The following ALMS1 variants were observed in gnomAD, a reference collection of about 807,000 sequenced individuals.
ALMS1 encodes centrosome-associated protein ALMS1.
Under a neutral mutation model 352.2 loss-of-function variants are expected in ALMS1, and 271 were observed. That is an observed-to-expected ratio of 0.77 (90% CI 0.70 to 0.85). ALMS1 has a LOEUF of 0.85. Among genes scored for constraint, ALMS1 ranks in the 40% least tolerant of loss-of-function variants. The pLI, the probability that ALMS1 is intolerant of heterozygous loss-of-function variation, is 0.00. For synonymous variants in ALMS1, 1,865 were observed against 1,761.2 expected (o/e 1.06, Z -1.48); for missense variants, 5,445 against 4,870.7 (o/e 1.12, Z -3.51).
intron 9 of ALMS1, among the ~76,000 whole-genome samples, chr2:73,488,548 C>T (rs962683108): frequency 4.6e-5 from 7 of 152,110 alleles, no homozygotes; most frequent in African/African-American, 1.7e-4. Flanking sequence ...GGGTTCCTGC[C>T]CCTCCAACTC....
chr2:73,597,535 CTTT>C (rs1281919120), intron 16 of ALMS1, among the ~76,000 whole-genome samples: 1 of 152,074 alleles, frequency 6.6e-6, no homozygotes, highest in Non-Finnish European at 1.5e-5. Flanking sequence ...TCAGTCACTT[CTTT>C]TTTATGTTCC....
rs556386854 is a variant in ALMS1, at chr2:73,390,844, A to G, written c.324+4652A>G. Among the ~76,000 whole-genome samples the G allele has an allele frequency of 5.4e-3, 821 of 151,372 alleles. 4 individuals are homozygous for G. Among genetic ancestry groups the G allele is most frequent in the Non-Finnish European group, 8.5e-3 (575 of 67,840 alleles). ...GAGTGGCAGTGGCCCGATCTTGGCT[A>G]ACTGCAACCTCCGCCTCCCGGGTTC... On this transcript the variant is annotated intron_variant, in intron 1 of 22. Coordinates refer to ENST00000613296, the MANE Select transcript of ALMS1 (RefSeq NM_001378454.1).
intron 9 of ALMS1, among the ~76,000 whole-genome samples, chr2:73,460,907 G>T (rs1672181634): frequency 6.6e-6 from 1 of 152,242 alleles, no homozygotes; most frequent in Non-Finnish European, 1.5e-5. Context: ...GCCTGCCATT[G>T]TGCAGGCTTG....
intron 16 of ALMS1, among the ~76,000 whole-genome samples, chr2:73,580,203 G>A (rs962622149): frequency 2.0e-5 from 3 of 152,014 alleles, no homozygotes; most frequent in Admixed American, 6.6e-5. Context: ...TCAGCTTTCC[G>A]AGTAGCTGGG....
intron 12 of ALMS1, among the ~76,000 whole-genome samples, chr2:73,545,058 T>C (rs1674283908): frequency 6.6e-6 from 1 of 152,078 alleles, no homozygotes. Flanking sequence ...ATTTAATGGG[T>C]ACAGAGTTTA....
At chr2:73,503,274 G>T (rs562797233) in intron 10 of ALMS1, among the ~76,000 whole-genome samples, 1 of 151,610 alleles carries the variant, frequency 6.6e-6, no homozygotes, top group African/African-American at 2.4e-5. Flanking sequence ...ACAGTCCCCA[G>T]AGTGTGATGT....
chr2:73,435,821 G>A (rs1312037396), intron 7 of ALMS1, among the ~76,000 whole-genome samples: 1 of 151,992 alleles, frequency 6.6e-6, no homozygotes, highest in Non-Finnish European at 1.5e-5. Flanking sequence ...TGAACTCCTG[G>A]GCTCAAGCAG....
In ALMS1 at chr2:73,423,071, GC is replaced by G. The variant is rs1572913479; in HGVS notation, c.764+98del. The G allele has an allele frequency of 1.2e-5, 13 of 1,063,826 alleles. No individual in the cohort carries two copies. In the East Asian group the frequency reaches 3.1e-4, roughly 25 times the overall value. The allele number at this position is 1,063,826 out of a possible 1,614,324, so 65.9% of individuals were successfully genotyped here. On this transcript the variant is annotated intron_variant, in intron 4 of 22. Transcript: ENST00000613296. ...GGCTAAGGTGGGACTTTGAGGTGGG[GC>G]TTAGATACTCTTAGGACACGCCCTG...
At chr2:73,551,949 A>G (rs1674445775) in intron 13 of ALMS1, among the ~76,000 whole-genome samples, 1 of 152,224 alleles carries the variant, frequency 6.6e-6, no homozygotes, top group African/African-American at 2.4e-5. Context: ...TTTTAAATGT[A>G]GGGTGGCTCT....
Position 73,385,936 on chromosome 2 carries a change from AG to A in ALMS1, c.70del (p.Glu24ArgfsTer17). On this transcript the variant is annotated frameshift_variant, in exon 1 of 23. Transcript: ENST00000613296. LOFTEE classifies it high-confidence loss of function. ...EEEEEEEEEEEEEEEEAAAAA... is the reference protein window; with the variant it reads ...EEEEEEEEEEXEEEEEAAAAA... ...GAGGAGGAGGAGGAGGAGGAGGAGG[AG>A]GAGGAAGAGGAGGAGGCTGCAGCGG... is the stretch of plus-strand genomic sequence containing the variant. The A allele has an allele frequency of 8.8e-7, 1 of 1,130,640 alleles. No homozygotes were observed. The highest frequency in any genetic ancestry group is 1.3e-6 in the Non-Finnish European group (1 of 768,518). The allele number at this position is 1,130,640 out of a possible 1,614,324, so 70.0% of individuals were successfully genotyped here. A position where few individuals can be genotyped will look rare whatever the true frequency, so the allele number is the denominator to read the frequency against.
At chr2:73,514,552 A>G (rs1385002410) in intron 10 of ALMS1, among the ~76,000 whole-genome samples, 1 of 152,146 alleles carries the variant, frequency 6.6e-6, no homozygotes, top group Non-Finnish European at 1.5e-5. Flanking sequence ...ATTCTTTTCC[A>G]TATATATGTA....
Position 73,535,030 on chromosome 2 carries a change from GT to G in ALMS1, c.9907+82del, listed in dbSNP as rs1049917842. On this transcript the variant is annotated intron_variant, in intron 12 of 22. Transcript: ENST00000613296. ...GCTAGTTGATTCTGGAGTGACAAAA[GT>G]CCAGTGCTCTTTAATTTTTCAGTGA... The G allele has an allele frequency of 1.1e-5, 17 of 1,552,410 alleles. No homozygotes were observed. In the African/African-American group the frequency reaches 2.2e-4, roughly 20 times the overall value.
At chr2:73,400,242 A>G (rs1670848391) in intron 1 of ALMS1, among the ~76,000 whole-genome samples, 1 of 152,180 alleles carries the variant, frequency 6.6e-6, no homozygotes, top group African/African-American at 2.4e-5. Context: ...CACTGTGTCC[A>G]GCCTTAACTG....
chr2:73,512,185 A>G (rs966709894), intron 10 of ALMS1, among the ~76,000 whole-genome samples: 3 of 152,138 alleles, frequency 2.0e-5, no homozygotes, highest in African/African-American at 7.2e-5. Context: ...CCCGGGTTCA[A>G]GCGATTCTCC....
intron 9 of ALMS1, chr2:73,462,822 A>G (rs1289916778): frequency 6.6e-6 from 1 of 152,128 alleles, no homozygotes; most frequent in Non-Finnish European, 1.5e-5. Flanking sequence ...CTCTGATAAA[A>G]CAAACTTTAA....
intron 16 of ALMS1, among the ~76,000 whole-genome samples, chr2:73,578,995 T>C (rs915295577): frequency 1.3e-5 from 2 of 151,922 alleles, no homozygotes; most frequent in Non-Finnish European, 2.9e-5. Flanking sequence ...TCATTCCTTA[T>C]AGGGAAGGTC....
intron 9 of ALMS1, among the ~76,000 whole-genome samples, chr2:73,466,249 G>T (rs1233369311): frequency 2.0e-5 from 3 of 152,054 alleles, no homozygotes; most frequent in African/African-American, 4.8e-5. Context: ...GTCCAAGAAT[G>T]ATAGACTGGA....
chr2:73,519,992 G>T lies in ALMS1; in HGVS notation c.9757G>T (p.Val3253Phe), dbSNP rs751917932. Residue 3253 changes from valine (V) to phenylalanine (F), a missense_variant, in exon 11 of 23, where the codon GTT (valine) becomes TTT (phenylalanine). By Grantham distance (50) the Val-to-Phe change is conservative (BLOSUM62 -1). Coordinates refer to ENST00000613296, the MANE Select transcript of ALMS1 (RefSeq NM_001378454.1). ...TGCCTCATCATCTTCAGTCCAACAG[G>T]TTACTTTTTCTCGCGGCACAGATGG... is the stretch of plus-strand genomic sequence containing the variant. The part of the protein sequence containing the change: ...KFASSSSVQQ[V>F]TFSRGTDGQP... 1.9e-6 allele frequency: 3 copies of T among 1,614,052 alleles called. No individual in the cohort carries two copies. The Admixed American group carries it at 5.0e-5, about 27-fold the overall frequency.
chr2:73,601,377 G>A lies in ALMS1; in HGVS notation c.12055G>A (p.Gly4019Ser). 1.9e-6 allele frequency: 3 copies of A among 1,614,216 alleles called. No homozygotes were observed. Among genetic ancestry groups the A allele is most frequent in the Non-Finnish European group, 2.5e-6 (3 of 1,180,028 alleles). ...CCTGGACGGTCGGGGCTACCTGGCA[G>A]GCCCAGGCAGAGAGGCTGGCAGAGA... ...QHLDGRGYLA[G>S]PGREAGRDLL... The change falls in exon 19 of 23, where the codon GGC (glycine) becomes AGC (serine). Residue 4019 changes from glycine (G) to serine (S), a missense_variant. Physicochemically the swap from Gly to Ser is moderately conservative, Grantham distance 56. Coordinates refer to ENST00000613296, the MANE Select transcript of ALMS1 (RefSeq NM_001378454.1).
Sources: allele counts gnomAD v4.1 joint callset (sites outside exome capture counted in the v4.1 genomes callset), GRCh38; gene constraint gnomAD v4.1.1; transcripts MANE v1.5; gene names NCBI Gene and HGNC (gene_info 2026-07-23, HGNC 2026-07-21).